Variants in L3MBTL4 observed in about 807,000 individuals in gnomAD.
The protein encoded by L3MBTL4 is L3MBTL histone methyl-lysine binding protein 4, also known as lethal(3)malignant brain tumor-like protein 4.
L3MBTL4 carries 70 observed loss-of-function variants against 84.5 expected under a neutral mutation model. The observed-to-expected ratio is 0.83, with a 90% CI of 0.68 to 1.01. The LOEUF (loss-of-function observed/expected upper bound fraction) is 1.01, where lower values mean the gene tolerates loss of function less well. Ranked by LOEUF, L3MBTL4 falls within the 50% of genes least tolerant of loss-of-function variation. The pLI, the probability that L3MBTL4 is intolerant of heterozygous loss-of-function variation, is 0.00. For missense variants in L3MBTL4, 715 were observed against 754.8 expected, an observed-to-expected ratio of 0.95 and a Z score of 0.62; for synonymous variants, 274 against 259.8, an observed-to-expected ratio of 1.05 and a Z score of -0.52.
chr18:6,060,238 C>T (rs369856564), intron 16 of L3MBTL4, among the ~76,000 whole-genome samples: 1 of 152,120 alleles, frequency 6.6e-6, no homozygotes. Context: ...AGCTCCTTCC[C>T]TTAGAATGAT....
At chr18:6,113,241 T>A (rs954445122) in intron 14 of L3MBTL4, among the ~76,000 whole-genome samples, 3 of 152,136 alleles carry the variant, frequency 2.0e-5, no homozygotes, top group African/African-American at 7.2e-5. Context: ...TTAGTCTTCA[T>A]GTTTTGTAGG....
chr18:5,977,994 C>T (rs989421597), intron 16 of L3MBTL4, among the ~76,000 whole-genome samples: 1 of 152,166 alleles, frequency 6.6e-6, no homozygotes, highest in Non-Finnish European at 1.5e-5. Flanking sequence ...CCCATTCATC[C>T]CCAGAGCTGC....
Position 5,956,403 on chromosome 18 carries a change from T to TAGAC in L3MBTL4, c.1678-20_1678-17dup, listed in dbSNP as rs1400822100. The TAGAC allele has an allele frequency of 6.2e-7, 1 of 1,611,268 alleles. No homozygotes were observed. Among genetic ancestry groups the TAGAC allele is most frequent in the South Asian group, 1.1e-5 (1 of 90,630 alleles). ...CATCGATCTGCTGCAAATACATAAATAGACACAAATAAAAATGTTTTGCCA... is the reference window on the plus strand; with the variant it reads ...CATCGATCTGCTGCAAATACATAAATAGACAGACACAAATAAAAATGTTTTGCCA... On this transcript the variant is annotated splice_polypyrimidine_tract_variant and intron_variant, in intron 18 of 18. Coordinates refer to ENST00000317931, the MANE Select transcript of L3MBTL4 (RefSeq NM_001330559.2).
At chr18:6,115,162 G>C (rs543164961) in intron 14 of L3MBTL4, among the ~76,000 whole-genome samples, 10 of 152,292 alleles carry the variant, frequency 6.6e-5, no homozygotes, top group African/African-American at 2.4e-4. Flanking sequence ...CTTATAAGCT[G>C]TTTGAATGGT....
chr18:6,007,706 C>T (rs2054555803), intron 16 of L3MBTL4, among the ~76,000 whole-genome samples: 1 of 152,182 alleles, frequency 6.6e-6, no homozygotes, highest in Admixed American at 6.5e-5. Flanking sequence ...ACCCAAACGT[C>T]CACAGTGGAG....
chr18:6,240,445 T>A (rs1853911844), intron 8 of L3MBTL4, among the ~76,000 whole-genome samples: 1 of 151,038 alleles, frequency 6.6e-6, no homozygotes, highest in Admixed American at 6.6e-5. Flanking sequence ...ATTTATAATT[T>A]TAAAATGTGA....
intron 1 of L3MBTL4, among the ~76,000 whole-genome samples, chr18:6,334,301 C>A (rs1448210971): frequency 1.3e-5 from 2 of 151,992 alleles, no homozygotes; most frequent in Non-Finnish European, 2.9e-5. Context: ...GAAGAAAAAC[C>A]CAGAGACAAT....
At chr18:5,972,946 AT>A (rs2052729316) in intron 16 of L3MBTL4, among the ~76,000 whole-genome samples, 1 of 123,030 alleles carries the variant, frequency 8.1e-6, no homozygotes, top group Admixed American at 7.8e-5. Flanking sequence ...ATAGAATAGA[AT>A]AGAATAGAAT....
chr18:6,376,918 C>T (rs916784230), intron 1 of L3MBTL4, among the ~76,000 whole-genome samples: 1 of 152,160 alleles, frequency 6.6e-6, no homozygotes, highest in African/African-American at 2.4e-5. Flanking sequence ...ACACTGAAAT[C>T]ATTGTGTATT....
At chr18:6,405,888 C>A (rs2055714919) in intron 1 of L3MBTL4, among the ~76,000 whole-genome samples, 1 of 152,210 alleles carries the variant, frequency 6.6e-6, no homozygotes, top group Non-Finnish European at 1.5e-5. Context: ...TTTCCTGGAA[C>A]AGGTCCAGTC....
At chr18:6,308,296 A>C (rs1303079635) in intron 3 of L3MBTL4, among the ~76,000 whole-genome samples, 1 of 152,172 alleles carries the variant, frequency 6.6e-6, no homozygotes, top group Admixed American at 6.5e-5. Context: ...ACATATAACA[A>C]ATCCCAAGGA....
intron 10 of L3MBTL4, among the ~76,000 whole-genome samples, chr18:6,216,942 T>A (rs2046351754): frequency 6.6e-6 from 1 of 152,194 alleles, no homozygotes. Context: ...GTCAACAATT[T>A]TTAAAAAACA....
chr18:6,057,790 C>G (rs1598593098), intron 16 of L3MBTL4, among the ~76,000 whole-genome samples: 1 of 151,998 alleles, frequency 6.6e-6, no homozygotes, highest in African/African-American at 2.4e-5. Flanking sequence ...CACGGTGTAC[C>G]CCCACAAGGC....
At chr18:6,279,869 T>C (rs1432779459) in intron 4 of L3MBTL4, among the ~76,000 whole-genome samples, 1 of 152,184 alleles carries the variant, frequency 6.6e-6, no homozygotes, top group Non-Finnish European at 1.5e-5. Flanking sequence ...CCGAATGTAA[T>C]AGATTAAATA....
chr18:6,337,217 C>T (rs2052383576), intron 1 of L3MBTL4, among the ~76,000 whole-genome samples: 1 of 152,044 alleles, frequency 6.6e-6, no homozygotes, highest in Admixed American at 6.5e-5. Flanking sequence ...ATGAATCGAC[C>T]TTTGAAGAGA....
intron 13 of L3MBTL4, among the ~76,000 whole-genome samples, chr18:6,168,464 T>C (rs534836418): frequency 2.0e-5 from 3 of 152,256 alleles, no homozygotes; most frequent in East Asian, 3.9e-4. Flanking sequence ...AGCATGGTAC[T>C]GGTACCAAAA....
At chr18:6,300,360 C>A (rs2050284940) in intron 4 of L3MBTL4, among the ~76,000 whole-genome samples, 1 of 152,010 alleles carries the variant, frequency 6.6e-6, no homozygotes, top group Non-Finnish European at 1.5e-5. Flanking sequence ...AAAACAGGAA[C>A]AATATATTAT....
At chr18:6,211,300 A>T (rs146229018) in intron 12 of L3MBTL4, among the ~76,000 whole-genome samples, 65 of 152,358 alleles carry the variant, frequency 4.3e-4, no homozygotes, top group African/African-American at 1.6e-3. Flanking sequence ...AGGTACATTC[A>T]GTGCCATTCA....
intron 12 of L3MBTL4, among the ~76,000 whole-genome samples, chr18:6,189,053 C>A (rs2044931678): frequency 6.6e-6 from 1 of 152,184 alleles, no homozygotes; most frequent in African/African-American, 2.4e-5. Flanking sequence ...AATCTGAAAT[C>A]AAAGCATGGT....
Sources: allele counts gnomAD v4.1 joint callset (sites outside exome capture counted in the v4.1 genomes callset), GRCh38; gene constraint gnomAD v4.1.1; transcripts MANE v1.5; gene names NCBI Gene and HGNC (gene_info 2026-07-23, HGNC 2026-07-21).